Variants in FGF13 observed in about 807,000 individuals in gnomAD.
The protein encoded by FGF13 is fibroblast growth factor homologous factor 2.
In FGF13, 2 loss-of-function variants were observed where a neutral mutation model predicts 19.5. The ratio of observed to expected loss-of-function variants is 0.10; its 90% confidence interval spans 0.04 to 0.32. The LOEUF is 0.32. Ranked by LOEUF, FGF13 falls within the 10% of genes least tolerant of loss-of-function variation. FGF13 has a pLI of 1.00. For missense variants in FGF13, 113 were observed against 192.7 expected, an observed-to-expected ratio of 0.59 and a Z score of 2.45; for synonymous variants, 72 against 76.9, an observed-to-expected ratio of 0.94 and a Z score of 0.33.
intron 1 of FGF13, among the ~76,000 whole-genome samples, chrX:138,977,794 C>T (rs1021187169): frequency 8.9e-6 from 1 of 111,877 alleles, no homozygotes; most frequent in Non-Finnish European, 1.9e-5. Context: ...GTCTTACCGT[C>T]ACTGTTCTCA....
chrX:138,864,749 A>C (rs1246630328), intron 1 of FGF13: 2 of 112,549 alleles, frequency 1.8e-5, no homozygotes, highest in Non-Finnish European at 3.7e-5. Flanking sequence ...TGAATGACAT[A>C]TACTTTTTTC....
At chrX:139,191,200 G>C (rs1314026086) in intron 1 of FGF13, among the ~76,000 whole-genome samples, 1 of 112,167 alleles carries the variant, frequency 8.9e-6, no homozygotes, top group African/African-American at 3.2e-5. Context: ...AGGGAAATAA[G>C]TTTATTATCT....
chrX:139,105,964 T>C (rs1258349076), intron 1 of FGF13, among the ~76,000 whole-genome samples: 1 of 112,346 alleles, frequency 8.9e-6, no homozygotes, highest in Non-Finnish European at 1.9e-5. Flanking sequence ...ATCACTTCCA[T>C]TGTGTAAAAA....
chrX:139,006,180 G>C (rs2092100551), intron 1 of FGF13, among the ~76,000 whole-genome samples: 1 of 111,379 alleles, frequency 9.0e-6, no homozygotes, highest in Non-Finnish European at 1.9e-5. Context: ...AACCCTAAAA[G>C]CAGCATGAGA....
intron 1 of FGF13, among the ~76,000 whole-genome samples, chrX:139,031,220 T>A (rs79440397): frequency 0.15 from 16,640 of 109,590 alleles, 1,178 homozygotes; most frequent in African/African-American, 0.26. Context: ...GGCAAAAAAA[T>A]AATAATAATT....
intron 2 of FGF13, among the ~76,000 whole-genome samples, chrX:138,705,949 T>C (rs761940893): frequency 1.5e-4 from 17 of 112,397 alleles, no homozygotes; most frequent in Admixed American, 2.9e-4. Flanking sequence ...AAAACATAAA[T>C]GTGCCTGTGT....
intron 1 of FGF13, among the ~76,000 whole-genome samples, chrX:139,013,444 A>C (rs890778155): frequency 1.5e-4 from 15 of 99,403 alleles, no homozygotes; most frequent in African/African-American, 5.6e-4. Context: ...AACCAGCCCA[A>C]ATGCTCATCA....
At chrX:138,818,385 T>C (rs1287197738) in intron 3 of FGF13, among the ~76,000 whole-genome samples, 1 of 109,511 alleles carries the variant, frequency 9.1e-6, no homozygotes, top group Non-Finnish European at 1.9e-5. Flanking sequence ...TACGAAGGAA[T>C]TTCTTATTTG....
intron 3 of FGF13, among the ~76,000 whole-genome samples, chrX:138,757,861 A>G (rs891899427): frequency 1.8e-5 from 2 of 111,657 alleles, no homozygotes; most frequent in African/African-American, 3.3e-5. Flanking sequence ...AACCCTGTGA[A>G]TTGGTAGTAT....
chrX:138,746,541 A>G (rs1201940674), intron 3 of FGF13, among the ~76,000 whole-genome samples: 3 of 112,042 alleles, frequency 2.7e-5, no homozygotes, highest in Non-Finnish European at 5.6e-5. Flanking sequence ...GACCAACACA[A>G]TGCAGATGGA....
intron 3 of FGF13, among the ~76,000 whole-genome samples, chrX:138,795,122 A>G (rs1471055096): frequency 8.9e-6 from 1 of 111,911 alleles, no homozygotes; most frequent in Non-Finnish European, 1.9e-5. Flanking sequence ...TAACTCCTAC[A>G]TAGGTTTAAG....
intron 1 of FGF13, among the ~76,000 whole-genome samples, chrX:138,926,719 G>A (rs924331280): frequency 8.9e-6 from 1 of 111,961 alleles, no homozygotes; most frequent in Non-Finnish European, 1.9e-5. Context: ...TTGGGAGGCC[G>A]AGGTGGGCAC....
At chrX:139,097,251 AGAAGAAGAATTGTCTTGG>A (rs886486571) in intron 1 of FGF13, among the ~76,000 whole-genome samples, 2 of 111,764 alleles carry the variant, frequency 1.8e-5, no homozygotes, top group Non-Finnish European at 3.8e-5. Context: ...CCACATTGAA[AGAAGAAGAATTGTCTTGG>A]GACACACATA....
chrX:138,813,365 T>C (rs913168847), intron 3 of FGF13, among the ~76,000 whole-genome samples: 1 of 111,717 alleles, frequency 9.0e-6, no homozygotes, highest in East Asian at 2.8e-4. Context: ...AGCTCTCTGC[T>C]TTTGTTGTTG....
intron 1 of FGF13, among the ~76,000 whole-genome samples, chrX:139,173,098 C>T (rs73572127): frequency 0.055 from 6,091 of 111,737 alleles, 340 homozygotes; most frequent in African/African-American, 0.18. Context: ...CAAGTGCCAA[C>T]GAATACCAGT....
At chrX:138,799,132 G>T (rs1324200657) in intron 3 of FGF13, among the ~76,000 whole-genome samples, 1 of 111,331 alleles carries the variant, frequency 9.0e-6, no homozygotes, top group Non-Finnish European at 1.9e-5. Flanking sequence ...TGCTTCTCTA[G>T]TTCTTTTAAT....
At chrX:139,013,479 T>TTATTTATATATATA (rs2092138595) in intron 1 of FGF13, among the ~76,000 whole-genome samples, 1 of 71,083 alleles carries the variant, frequency 1.4e-5, no homozygotes, top group African/African-American at 6.1e-5. Context: ...AAAGAAAATT[T>TTATTTATATATATA]TATATATATA....
chrX:138,976,561 G>A (rs1277518788), intron 1 of FGF13, among the ~76,000 whole-genome samples: 1 of 111,273 alleles, frequency 9.0e-6, no homozygotes, highest in East Asian at 2.8e-4. Context: ...GATGGTAAAA[G>A]GGGGACAAGA....
intron 1 of FGF13, among the ~76,000 whole-genome samples, chrX:139,092,114 G>A (rs2083443139): frequency 9.0e-6 from 1 of 111,528 alleles, no homozygotes; most frequent in African/African-American, 3.3e-5. Flanking sequence ...AATGCCCTGG[G>A]AAGAGGAAAG....
Sources: gnomAD v4.1 joint callset for allele counts (sites outside exome capture counted in the v4.1 genomes callset) on GRCh38, gnomAD v4.1.1 for gene constraint, MANE v1.5 for transcripts, NCBI Gene and HGNC (gene_info 2026-07-23, HGNC 2026-07-21) for gene names.